Variants in LRRC2 observed in about 807,000 individuals in gnomAD.
The protein encoded by LRRC2 is leucine rich repeat containing 2.
Under a neutral mutation model 40.2 loss-of-function variants are expected in LRRC2, and 27 were observed. The ratio of observed to expected loss-of-function variants is 0.67; its 90% CI spans 0.49 to 0.93. The LOEUF is 0.93. Among genes scored for constraint, LRRC2 ranks in the 40% least tolerant of loss-of-function variants. The pLI, the probability that LRRC2 is intolerant of heterozygous loss-of-function variation, is 0.00. For missense variants in LRRC2, 402 were observed against 439.6 expected (o/e 0.91, Z 0.76); for synonymous variants, 147 against 158.9 (o/e 0.92, Z 0.56).
At chr3:46,522,676 G>A (rs1703984971) in intron 7 of LRRC2, among the ~76,000 whole-genome samples, 1 of 151,896 alleles carries the variant, frequency 6.6e-6, no homozygotes, top group African/African-American at 2.4e-5. Context: ...CGACACTACT[G>A]CACTCTAGCC....
intron 2 of LRRC2, among the ~76,000 whole-genome samples, chr3:46,546,169 G>A (rs911153528): frequency 1.2e-4 from 19 of 152,230 alleles, no homozygotes; most frequent in African/African-American, 4.3e-4. Context: ...AGCTGCAGGT[G>A]CAGACTTGGT....
At chr3:46,544,997 G>A in intron 3 of LRRC2, 49 bp downstream of exon 3, 1 of 1,535,184 alleles carries the variant, frequency 6.5e-7, no homozygotes, top group South Asian at 1.1e-5. Flanking sequence ...CAGGCGAGCA[G>A]CAGTCATCGA....
rs1704655109 is a variant in LRRC2 at position 46,551,598 on chromosome 3, A to C, written c.-7T>G. On this transcript the variant is annotated 5_prime_UTR_variant, in exon 2 of 9. Transcript: ENST00000395905. ...CAACCACTTTATGTCCCATTTTGGG[A>C]GCATGAAATTACCTATTTAAAAAAT... 6.2e-7 allele frequency: 1 copy of C among 1,606,080 alleles called. No individual in the cohort carries two copies. Among genetic ancestry groups the C allele is most frequent in the Non-Finnish European group, 8.5e-7 (1 of 1,177,640 alleles).
chr3:46,561,647 CCTT>C (rs1451588769), intron 1 of LRRC2, among the ~76,000 whole-genome samples: 1 of 152,126 alleles, frequency 6.6e-6, no homozygotes, highest in African/African-American at 2.4e-5. Flanking sequence ...GCCTGTGTGT[CCTT>C]CTCTCCTCCC....
chr3:46,521,192 G>T (rs1029609599), intron 8 of LRRC2, among the ~76,000 whole-genome samples: 3 of 152,108 alleles, frequency 2.0e-5, no homozygotes, highest in Non-Finnish European at 4.4e-5. Context: ...TATTTTTCTA[G>T]TAACTTAGGA....
intron 7 of LRRC2, among the ~76,000 whole-genome samples, chr3:46,527,023 G>C (rs1704071017): frequency 6.6e-6 from 1 of 152,202 alleles, no homozygotes; most frequent in African/African-American, 2.4e-5. Flanking sequence ...CATTTGCATG[G>C]ATGGTTTTTC....
intron 4 of LRRC2, among the ~76,000 whole-genome samples, chr3:46,534,423 CCTTTCTTTCTTTCTTTCTTT>C (rs754860415): frequency 9.9e-6 from 1 of 101,022 alleles, no homozygotes; most frequent in African/African-American, 3.8e-5. Context: ...TTCCTTCCTT[CCTTTCTTTCTTTCTTTCTTT>C]CTTTCTTTCT....
At chr3:46,528,723 T>C (rs1159932609) in intron 6 of LRRC2, among the ~76,000 whole-genome samples, 1 of 152,132 alleles carries the variant, frequency 6.6e-6, no homozygotes, top group African/African-American at 2.4e-5. Flanking sequence ...ACACATCACA[T>C]GTACCAGGAA....
chr3:46,545,268 A>T lies in LRRC2; in HGVS notation c.126-15T>A, dbSNP rs1394963290. 6.2e-7 allele frequency: 1 copy of T among 1,612,026 alleles called. No homozygotes were observed. Among genetic ancestry groups the T allele is most frequent in the Admixed American group, 1.7e-5 (1 of 59,600 alleles). On this transcript the variant is annotated splice_polypyrimidine_tract_variant and intron_variant, in intron 2 of 8. Transcript: ENST00000395905. ...CCTCCTTTATCCTAAAACAGGCAGC[A>T]GGGGTCACAGTTACTCTCCTGGGGA... is the stretch of plus-strand genomic sequence containing the variant.
At chr3:46,535,584 T>C (rs1704255428) in intron 4 of LRRC2, among the ~76,000 whole-genome samples, 1 of 152,198 alleles carries the variant, frequency 6.6e-6, no homozygotes, top group African/African-American at 2.4e-5. Flanking sequence ...ATGAGAATAC[T>C]AAGATTTAAA....
chr3:46,530,379 A>T (rs1704137152), intron 5 of LRRC2, among the ~76,000 whole-genome samples: 1 of 152,166 alleles, frequency 6.6e-6, no homozygotes, highest in Non-Finnish European at 1.5e-5. Context: ...CAGAAGTTCA[A>T]GACCAGCCTG....
intron 3 of LRRC2, among the ~76,000 whole-genome samples, chr3:46,541,968 T>C (rs534194425): frequency 6.6e-6 from 1 of 152,166 alleles, no homozygotes; most frequent in African/African-American, 2.4e-5. Flanking sequence ...TATGCTCCCA[T>C]AGCTCCAGAC....
chr3:46,552,036 T>G (rs1370814226), intron 1 of LRRC2, among the ~76,000 whole-genome samples: 2 of 152,100 alleles, frequency 1.3e-5, no homozygotes, highest in African/African-American at 4.8e-5. Flanking sequence ...AGTTTCCTAA[T>G]GTTCTTAAGG....
chr3:46,527,328 C>T (rs1465626817), intron 7 of LRRC2, 98 bp downstream of exon 7: 1 of 1,255,136 alleles, frequency 8.0e-7, no homozygotes, highest in Non-Finnish European at 1.1e-6. Context: ...AGTACGAGAG[C>T]CATCTAATCC....
Position 46,527,406 on chromosome 3 carries a change from G to A in LRRC2, c.929+20C>T. The A allele has an allele frequency of 6.2e-7, 1 of 1,613,458 alleles. No individual in the cohort carries two copies. The highest frequency in any genetic ancestry group is 8.5e-7 in the Non-Finnish European group (1 of 1,179,570). Reference sequence around the variant, plus strand: ...TTACCTGTGTCTGAGTGTGTCTACTGGGATTTCCGGGCTACTCACTTTAAA... The same window carrying A: ...TTACCTGTGTCTGAGTGTGTCTACTAGGATTTCCGGGCTACTCACTTTAAA... On this transcript the variant is annotated intron_variant, in intron 7 of 8. Coordinates refer to ENST00000395905, the MANE Select transcript of LRRC2 (RefSeq NM_024512.5).
chr3:46,563,841 A>AC, intron 1 of LRRC2, among the ~76,000 whole-genome samples: 1 of 152,022 alleles, frequency 6.6e-6, no homozygotes, highest in Non-Finnish European at 1.5e-5. Context: ...CCTCTCCATC[A>AC]CCTTGTCCAA....
At chr3:46,526,126 G>T (rs1704057610) in intron 7 of LRRC2, among the ~76,000 whole-genome samples, 1 of 151,920 alleles carries the variant, frequency 6.6e-6, no homozygotes, top group African/African-American at 2.4e-5. Context: ...TTAATTTTTT[G>T]TATTTTTAGT....
At chr3:46,540,340 C>T (rs1367956122) in intron 3 of LRRC2, among the ~76,000 whole-genome samples, 1 of 152,136 alleles carries the variant, frequency 6.6e-6, no homozygotes, top group East Asian at 1.9e-4. Flanking sequence ...GCCTGGCCAA[C>T]ATGGTGAAAC....
chr3:46,541,461 A>G (rs1704390168), intron 3 of LRRC2, among the ~76,000 whole-genome samples: 1 of 152,248 alleles, frequency 6.6e-6, no homozygotes, highest in Non-Finnish European at 1.5e-5. Context: ...AAATTCCATT[A>G]AAGACAACAG....
Sources: gnomAD v4.1 joint callset for allele counts (sites outside exome capture counted in the v4.1 genomes callset) on GRCh38, gnomAD v4.1.1 for gene constraint, MANE v1.5 for transcripts, NCBI Gene and HGNC (gene_info 2026-07-23, HGNC 2026-07-21) for gene names.